Variants in DPP10 observed in about 807,000 individuals in gnomAD.
DPP10 encodes the protein dipeptidyl peptidase like 10, also known as inactive dipeptidyl peptidase 10.
DPP10 carries 33 observed loss-of-function variants against 120.9 expected under a neutral mutation model. That is an observed-to-expected ratio of 0.27 (90% CI 0.21 to 0.37). The LOEUF (loss-of-function observed/expected upper bound fraction) is 0.37. DPP10 is among the 10% of genes least tolerant of loss of function. The pLI, the probability that DPP10 is intolerant of heterozygous loss-of-function variation, is 1.00. For synonymous variants in DPP10, 337 were observed against 326.1 expected (o/e 1.03, Z -0.36); for missense variants, 816 against 942.8 (o/e 0.87, Z 1.76).
chr2:115,653,496 T>A (rs2087988775), intron 5 of DPP10, among the ~76,000 whole-genome samples: 1 of 151,986 alleles, frequency 6.6e-6, no homozygotes, highest in Non-Finnish European at 1.5e-5. Context: ...CCTAATTCCT[T>A]TGTACTTTAT....
At chr2:115,220,566 A>G (rs2057091405) in intron 1 of DPP10, among the ~76,000 whole-genome samples, 1 of 152,110 alleles carries the variant, frequency 6.6e-6, no homozygotes, top group African/African-American at 2.4e-5. Flanking sequence ...AAAAATTTAA[A>G]AAAGGAAAAT....
intron 5 of DPP10, among the ~76,000 whole-genome samples, chr2:115,656,354 T>A (rs530517612): frequency 6.6e-6 from 1 of 151,796 alleles, no homozygotes; most frequent in South Asian, 2.1e-4. Flanking sequence ...TACATTGTGT[T>A]AGTTTTTCTT....
intron 1 of DPP10, among the ~76,000 whole-genome samples, chr2:114,827,137 T>G (rs1056291218): frequency 2.0e-5 from 3 of 152,144 alleles, no homozygotes; most frequent in East Asian, 1.9e-4. Flanking sequence ...TGTTAAGTTC[T>G]CTTATGGGAG....
intron 3 of DPP10, among the ~76,000 whole-genome samples, chr2:115,485,516 G>A (rs1487303382): frequency 1.3e-5 from 2 of 151,938 alleles, no homozygotes; most frequent in South Asian, 4.1e-4. Context: ...TTCTTTTAAT[G>A]TTGTTTCTGT....
chr2:115,446,234 GA>G (rs1230268207), intron 3 of DPP10, among the ~76,000 whole-genome samples: 2 of 152,218 alleles, frequency 1.3e-5, no homozygotes, highest in East Asian at 3.9e-4. Flanking sequence ...GAGCATGTAT[GA>G]AAATACCTGG....
intron 1 of DPP10, among the ~76,000 whole-genome samples, chr2:115,173,921 G>A (rs1205668234): frequency 6.6e-6 from 1 of 152,148 alleles, no homozygotes; most frequent in Admixed American, 6.5e-5. Flanking sequence ...AGAAAGAAGA[G>A]TTCCTCCCAC....
At chr2:115,481,472 G>A (rs1189819793) in intron 3 of DPP10, among the ~76,000 whole-genome samples, 1 of 152,112 alleles carries the variant, frequency 6.6e-6, no homozygotes, top group Non-Finnish European at 1.5e-5. Flanking sequence ...CAGTAAGTAG[G>A]CTGGACTTGG....
chr2:114,603,568 A>T (rs1692548469), intron 1 of DPP10, among the ~76,000 whole-genome samples: 2 of 151,874 alleles, frequency 1.3e-5, no homozygotes, highest in African/African-American at 4.8e-5. Context: ...TTCCTTATTG[A>T]CTCTGCAGAG....
At chr2:114,508,496 T>C (rs1558826224) in intron 1 of DPP10, among the ~76,000 whole-genome samples, 1 of 152,224 alleles carries the variant, frequency 6.6e-6, no homozygotes, top group Admixed American at 6.5e-5. Context: ...CACTAGCTGA[T>C]AGACATTTGG....
At chr2:114,687,197 T>A (rs1166984153) in intron 1 of DPP10, among the ~76,000 whole-genome samples, 1 of 151,912 alleles carries the variant, frequency 6.6e-6, no homozygotes, top group African/African-American at 2.4e-5. Flanking sequence ...TCCAGTTGAG[T>A]CACCATTGCT....
chr2:114,737,786 C>T (rs1343760122), intron 1 of DPP10, among the ~76,000 whole-genome samples: 1 of 152,208 alleles, frequency 6.6e-6, no homozygotes, highest in Non-Finnish European at 1.5e-5. Flanking sequence ...CCACATAAGC[C>T]TGCTTCCTCA....
chr2:115,815,615 A>G (rs1687138368), intron 20 of DPP10, 60 bp from the exon 21 acceptor site: 5 of 1,427,300 alleles, frequency 3.5e-6, no homozygotes, highest in Admixed American at 2.0e-5. Flanking sequence ...TGCCAACTAT[A>G]TATTTATATT....
At chr2:115,560,638 A>G (rs984631092) in intron 5 of DPP10, among the ~76,000 whole-genome samples, 1 of 150,414 alleles carries the variant, frequency 6.6e-6, no homozygotes, top group Non-Finnish European at 1.5e-5. Context: ...ATTCTGAGAC[A>G]GGGTCTCCTT....
chr2:115,304,043 A>T (rs2061258285), intron 1 of DPP10, among the ~76,000 whole-genome samples: 2 of 152,046 alleles, frequency 1.3e-5, no homozygotes, highest in Admixed American at 1.3e-4. Context: ...TTTTCGGATT[A>T]TTCAGCATAA....
intron 1 of DPP10, among the ~76,000 whole-genome samples, chr2:115,297,970 G>T (rs1319649021): frequency 6.6e-6 from 1 of 152,010 alleles, no homozygotes; most frequent in African/African-American, 2.4e-5. Context: ...GTACTCCTGG[G>T]ATGTCTTTTC....
chr2:115,133,626 G>A (rs750447553), intron 1 of DPP10, among the ~76,000 whole-genome samples: 5 of 152,148 alleles, frequency 3.3e-5, no homozygotes, highest in Admixed American at 6.5e-5. Context: ...CTGAGAAGAT[G>A]AGTGAGCTGC....
intron 1 of DPP10, among the ~76,000 whole-genome samples, chr2:114,576,269 T>C (rs1311860838): frequency 1.3e-5 from 2 of 152,112 alleles, no homozygotes; most frequent in African/African-American, 2.4e-5. Flanking sequence ...GGACCAGTAA[T>C]AGTGAGAAAT....
chr2:114,626,380 GT>G (rs1694513143), intron 1 of DPP10, among the ~76,000 whole-genome samples: 1 of 151,820 alleles, frequency 6.6e-6, no homozygotes, highest in Admixed American at 6.6e-5. Context: ...AAGTTTATCT[GT>G]TTTCTTTACT....
chr2:115,015,329 C>T (rs1702557453), intron 1 of DPP10, among the ~76,000 whole-genome samples: 1 of 152,120 alleles, frequency 6.6e-6, no homozygotes, highest in Non-Finnish European at 1.5e-5. Context: ...TCTCAATAAA[C>T]TAGGTATTGA....
Sources: allele counts gnomAD v4.1 joint callset (sites outside exome capture counted in the v4.1 genomes callset), GRCh38; gene constraint gnomAD v4.1.1; transcripts MANE v1.5; gene names NCBI Gene and HGNC (gene_info 2026-07-23, HGNC 2026-07-21).